Variants in ALG5 observed in about 807,000 individuals in gnomAD.
The protein encoded by ALG5 is dolichyl-phosphate beta-glucosyltransferase.
A neutral mutation model predicts 51.8 loss-of-function variants in ALG5; 26 were observed. The observed-to-expected ratio is 0.50, with a 90% confidence interval of 0.37 to 0.70. The LOEUF (loss-of-function observed/expected upper bound fraction) is 0.70, where lower values mean the gene tolerates loss of function less well. Among genes scored for constraint, ALG5 ranks in the 30% least tolerant of loss-of-function variants. The pLI is 0.00. For missense variants in ALG5, 311 were observed against 399.3 expected (o/e 0.78, Z 1.88); for synonymous variants, 141 against 136.1 (o/e 1.04, Z -0.25).
chr13:36,986,316 CAG>C (rs1424762954), intron 5 of ALG5, among the ~76,000 whole-genome samples: 1 of 152,124 alleles, frequency 6.6e-6, no homozygotes, highest in Non-Finnish European at 1.5e-5. Context: ...GTATTTGAAA[CAG>C]CAAAATTATG....
intron 2 of ALG5, 137 bp downstream of exon 2, chr13:36,995,288 C>G (rs1341890923): frequency 1.0e-6 from 1 of 980,510 alleles, no homozygotes; most frequent in Non-Finnish European, 1.5e-6. Context: ...CTCTGCCGAA[C>G]TACAACAATT....
intron 7 of ALG5, among the ~76,000 whole-genome samples, chr13:36,966,532 CAG>C (rs2058894323): frequency 6.6e-6 from 1 of 152,096 alleles, no homozygotes; most frequent in East Asian, 1.9e-4. Flanking sequence ...TTTTTAGAGA[CAG>C]AGACGCCTTC....
At chr13:36,992,378 T>G (rs987145653) in intron 4 of ALG5, among the ~76,000 whole-genome samples, 5 of 152,218 alleles carry the variant, frequency 3.3e-5, no homozygotes, top group Non-Finnish European at 7.3e-5. Context: ...AATGGCACAA[T>G]ACTTGAGACT....
chr13:36,997,708 A>G (rs1417532440), intron 1 of ALG5, among the ~76,000 whole-genome samples: 1 of 152,174 alleles, frequency 6.6e-6, no homozygotes, highest in Non-Finnish European at 1.5e-5. Flanking sequence ...GTGGTATTTT[A>G]AAAAGAAGGA....
At chr13:36,982,546 G>A (rs562283585) in intron 6 of ALG5, among the ~76,000 whole-genome samples, 1 of 152,322 alleles carries the variant, frequency 6.6e-6, no homozygotes, top group South Asian at 2.1e-4. Context: ...TGCCACAGAG[G>A]CTGACTGGCT....
intron 6 of ALG5, among the ~76,000 whole-genome samples, chr13:36,972,412 AACT>A (rs1177746381): frequency 2.6e-5 from 4 of 152,184 alleles, no homozygotes; most frequent in African/African-American, 9.7e-5. Flanking sequence ...GCAACTGAAA[AACT>A]ACATTAGAAA....
chr13:36,977,937 A>G (rs1316049062), intron 6 of ALG5, among the ~76,000 whole-genome samples: 1 of 142,410 alleles, frequency 7.0e-6, no homozygotes, highest in Non-Finnish European at 1.5e-5. Context: ...CCCAGGCTGG[A>G]GTACAGTGGC....
At chr13:36,958,067 A>C (rs1024580555) in intron 8 of ALG5, among the ~76,000 whole-genome samples, 2 of 152,138 alleles carry the variant, frequency 1.3e-5, no homozygotes, top group Admixed American at 1.3e-4. Context: ...GAACCTCTAG[A>C]GGATCTGTGC....
At chr13:36,982,271 A>G (rs9532004) in intron 6 of ALG5, among the ~76,000 whole-genome samples, 137,919 of 152,294 alleles carry the variant, frequency 0.91, 62,633 homozygotes, top group East Asian at 1. Flanking sequence ...AAAAGGAGAC[A>G]TATTTGCATT....
chr13:36,965,514 C>T, intron 8 of ALG5, 61 bp downstream of exon 8: 1 of 1,503,540 alleles, frequency 6.7e-7, no homozygotes, highest in East Asian at 2.3e-5. Flanking sequence ...GGCTGTTTCT[C>T]ATTACCTAGA....
At chr13:36,968,780 G>A (rs1310031514) in intron 7 of ALG5, among the ~76,000 whole-genome samples, 2 of 152,210 alleles carry the variant, frequency 1.3e-5, no homozygotes, top group Non-Finnish European at 2.9e-5. Flanking sequence ...GACAGCACAC[G>A]AAGGGAAATG....
intron 2 of ALG5, 81 bp from the exon 3 acceptor site, chr13:36,995,116 A>C: frequency 1.6e-6 from 2 of 1,234,460 alleles, no homozygotes; most frequent in Non-Finnish European, 1.2e-6. Context: ...TACAGAAAAA[A>C]GTCCCAATAA....
At chr13:36,999,182 C>A in intron 1 of ALG5, 53 bp downstream of exon 1, 1 of 1,490,002 alleles carries the variant, frequency 6.7e-7, no homozygotes, top group Non-Finnish European at 9.0e-7. Flanking sequence ...GAGCCGCAGT[C>A]TCCAGGAGAG....
At chr13:36,976,449 A>G (rs2058951621) in intron 6 of ALG5, among the ~76,000 whole-genome samples, 1 of 147,106 alleles carries the variant, frequency 6.8e-6, no homozygotes, top group African/African-American at 2.6e-5. Flanking sequence ...AAAAAAAAAA[A>G]AGAAAAGAAT....
chr13:36,977,770 C>T (rs566936543), intron 6 of ALG5, among the ~76,000 whole-genome samples: 181 of 100,908 alleles, frequency 1.8e-3, no homozygotes, highest in African/African-American at 6.9e-3. Context: ...CTAGCCTGGG[C>T]GACAGAGTGA....
intron 1 of ALG5, among the ~76,000 whole-genome samples, chr13:36,997,575 G>C (rs1356992579): frequency 2.0e-5 from 3 of 151,670 alleles, no homozygotes; most frequent in Non-Finnish European, 2.9e-5. Flanking sequence ...TGTGGCACTT[G>C]TTTGGATCCT....
intron 3 of ALG5, among the ~76,000 whole-genome samples, chr13:36,994,704 T>C (rs2059040922): frequency 1.3e-5 from 2 of 151,790 alleles, no homozygotes; most frequent in Non-Finnish European, 2.9e-5. Flanking sequence ...ACATACACTG[T>C]CACTCAATTT....
chr13:36,990,216 C>T (rs1324889654), intron 4 of ALG5, among the ~76,000 whole-genome samples: 1 of 152,306 alleles, frequency 6.6e-6, no homozygotes, highest in East Asian at 1.9e-4. Context: ...TAATCAAAGT[C>T]GTGAGATAGT....
intron 6 of ALG5, among the ~76,000 whole-genome samples, chr13:36,978,085 A>G (rs2058962169): frequency 6.6e-6 from 1 of 150,488 alleles, no homozygotes; most frequent in South Asian, 2.1e-4. Context: ...ACGGGGTTTC[A>G]CCATGTTAGC....
Sources: allele counts gnomAD v4.1 joint callset (sites outside exome capture counted in the v4.1 genomes callset), GRCh38; gene constraint gnomAD v4.1.1; transcripts MANE v1.5; gene names NCBI Gene and HGNC (gene_info 2026-07-23, HGNC 2026-07-21).